PLCH1: variants seen among roughly 807,000 people sequenced by gnomAD.
The protein encoded by PLCH1 is 1-phosphatidylinositol 4,5-bisphosphate phosphodiesterase eta-1.
Under a neutral mutation model 126.7 loss-of-function variants are expected in PLCH1, and 60 were observed. The observed-to-expected ratio is 0.47, with a 90% CI of 0.38 to 0.59. The LOEUF is 0.59. PLCH1 is among the 20% of genes least tolerant of loss of function. The pLI is 0.00. For synonymous variants in PLCH1, 719 were observed against 734.9 expected, an observed-to-expected ratio of 0.98 and a Z score of 0.35; for missense variants, 1,723 against 2,040.0, an observed-to-expected ratio of 0.84 and a Z score of 2.99.
chr3:155,647,584 C>G (rs1294750386), intron 2 of PLCH1, among the ~76,000 whole-genome samples: 1 of 151,936 alleles, frequency 6.6e-6, no homozygotes, highest in Non-Finnish European at 1.5e-5. Context: ...TCTGAAGACC[C>G]CTGGCAAAGC....
In PLCH1 at chr3:155,724,810, G is replaced by T. The variant is rs1022729252; in HGVS notation, c.-41+20030C>A. Among the ~76,000 whole-genome samples, 524 of 115,572 alleles carry T rather than the reference G, an allele frequency of 4.5e-3. 4 individuals carry two copies. The highest frequency in any genetic ancestry group is 6.7e-3 in the Non-Finnish European group (413 of 61,218). 75.8% of individuals were successfully genotyped at this position (115,572 alleles called of 152,430 possible). On this transcript the variant is annotated intron_variant, in intron 1 of 22. Coordinates refer to ENST00000460012, the MANE Select transcript of PLCH1 (RefSeq NM_014996.4). ...ATTTGTTGCCTGAATACCTTGGGGG[G>T]TTTTGTGTGTGTGTGTGTGTGTGTG...
chr3:155,590,182 A>T (rs997839992), intron 4 of PLCH1, among the ~76,000 whole-genome samples: 8 of 152,192 alleles, frequency 5.3e-5, no homozygotes, highest in Admixed American at 1.3e-4. Flanking sequence ...TCACAGTTGA[A>T]ATTTTCAGTC....
intron 2 of PLCH1, among the ~76,000 whole-genome samples, chr3:155,628,532 T>G (rs1371145385): frequency 1.4e-5 from 2 of 138,764 alleles, no homozygotes; most frequent in Non-Finnish European, 3.0e-5. Context: ...TTCCCCATGC[T>G]TTGGATCTTC....
At chr3:155,627,222 A>T (rs917732612) in intron 2 of PLCH1, among the ~76,000 whole-genome samples, 2 of 152,226 alleles carry the variant, frequency 1.3e-5, no homozygotes, top group Non-Finnish European at 2.9e-5. Flanking sequence ...CCTTGCAAGC[A>T]TAATACCAAG....
At chr3:155,467,265 A>G (rs1712963326) in intron 21 of PLCH1, among the ~76,000 whole-genome samples, 1 of 152,066 alleles carries the variant, frequency 6.6e-6, no homozygotes, top group African/African-American at 2.4e-5. Flanking sequence ...AAAAAAAAAA[A>G]ATAAAAAAGA....
downstream of PLCH1, among the ~76,000 whole-genome samples, chr3:155,479,338 T>TA (rs1453050401): frequency 6.6e-6 from 1 of 152,122 alleles, no homozygotes; most frequent in African/African-American, 2.4e-5. Flanking sequence ...AATGGTCACT[T>TA]ACCCTTTCAT....
At chr3:155,488,198 G>T in intron 20 of PLCH1, 91 bp from the exon 21 acceptor site, 3 of 736,778 alleles carry the variant, frequency 4.1e-6, no homozygotes, top group Non-Finnish European at 2.4e-6. Flanking sequence ...TGACTTGACT[G>T]TAGTTCTTTT....
At position 155,481,987 on chromosome 3, in the gene PLCH1, C is replaced by G; in HGVS notation, c.4039G>C (p.Gly1347Arg). Residue 1347 changes from glycine (G) to arginine (R), a missense_variant, in exon 23 of 23, where the codon GGG (glycine) becomes CGG (arginine). Gly to Arg is a moderately radical substitution (Grantham distance 125, BLOSUM62 -2). Coordinates refer to ENST00000460012, the MANE Select transcript of PLCH1 (RefSeq NM_014996.4). This position sits in a 1 kb window ranked among gnomAD's most constrained non-coding sequence, Gnocchi z 4.2. ...TCAATTTCCACAAGGCTGCTCTCCC[C>G]AGAATTGAAACAGAGAGTGGGATCA... ...IADPTLCFNS[G>R]ESSLVEIDGE... 1.2e-6 allele frequency: 2 copies of G among 1,614,160 alleles called. No homozygotes were observed. The highest frequency in any genetic ancestry group is 1.7e-6 in the Non-Finnish European group (2 of 1,180,038).
At chr3:155,678,377 A>G (rs1379654744) in intron 2 of PLCH1, among the ~76,000 whole-genome samples, 3 of 152,186 alleles carry the variant, frequency 2.0e-5, no homozygotes, top group African/African-American at 7.2e-5. Context: ...TTCATAGGGC[A>G]GGTGGGCAAG....
At chr3:155,638,208 T>C (rs1738959747) in intron 2 of PLCH1, among the ~76,000 whole-genome samples, 1 of 152,224 alleles carries the variant, frequency 6.6e-6, no homozygotes, top group Non-Finnish European at 1.5e-5. Flanking sequence ...CAAGAGAATA[T>C]GATTTCAAAT....
intron 10 of PLCH1, among the ~76,000 whole-genome samples, chr3:155,537,708 A>G (rs1034038841): frequency 6.6e-6 from 1 of 152,116 alleles, no homozygotes; most frequent in Non-Finnish European, 1.5e-5. Context: ...ACAATCCTAA[A>G]TATATATTCA....
At chr3:155,612,456 C>T (rs1254677598) in intron 2 of PLCH1, among the ~76,000 whole-genome samples, 1 of 151,258 alleles carries the variant, frequency 6.6e-6, no homozygotes, top group African/African-American at 2.4e-5. Flanking sequence ...ACAAACTAAA[C>T]CCAAACCCAG....
chr3:155,545,762 A>G (rs1470920944), intron 10 of PLCH1, among the ~76,000 whole-genome samples: 1 of 151,842 alleles, frequency 6.6e-6, no homozygotes, highest in Non-Finnish European at 1.5e-5. Context: ...GTAATCCAGC[A>G]TATAAACAGA....
intron 2 of PLCH1, among the ~76,000 whole-genome samples, chr3:155,633,696 C>A (rs1305716167): frequency 6.6e-6 from 1 of 152,164 alleles, no homozygotes; most frequent in African/African-American, 2.4e-5. Flanking sequence ...TGAGAGGGGG[C>A]AGATCACTTG....
At chr3:155,470,106 C>T (rs1187373059) in intron 21 of PLCH1, among the ~76,000 whole-genome samples, 1 of 151,844 alleles carries the variant, frequency 6.6e-6, no homozygotes, top group Non-Finnish European at 1.5e-5. Context: ...GAGAAGAAGG[C>T]TTCAGACGAT....
At chr3:155,505,887 G>A (rs1470674995) in intron 12 of PLCH1, among the ~76,000 whole-genome samples, 1 of 147,468 alleles carries the variant, frequency 6.8e-6, no homozygotes, top group Non-Finnish European at 1.5e-5. Flanking sequence ...TCTTCTCTTG[G>A]TCCGCTTTTT....
chr3:155,483,435 T>G (rs1358835944), intron 22 of PLCH1: 19 of 1,234,630 alleles, frequency 1.5e-5, no homozygotes, highest in Non-Finnish European at 2.2e-5. Flanking sequence ...CAAAGCATTG[T>G]GGTACCTGTA....
At chr3:155,610,389 AC>A (rs142738381) in intron 2 of PLCH1, among the ~76,000 whole-genome samples, 8,367 of 107,930 alleles carry the variant, frequency 0.078, 1,291 homozygotes, top group African/African-American at 0.14. Flanking sequence ...AAAAAAAAAA[AC>A]CATCACCTAG....
intron 7 of PLCH1, among the ~76,000 whole-genome samples, chr3:155,567,933 C>T (rs567832977): frequency 1.3e-5 from 2 of 152,190 alleles, no homozygotes; most frequent in East Asian, 3.9e-4. Flanking sequence ...GGCTAATTTC[C>T]AAAAATTAGC....
Sources: gnomAD v4.1 joint callset for allele counts (sites outside exome capture counted in the v4.1 genomes callset) on GRCh38, gnomAD v4.1.1 for gene constraint, Gnocchi (gnomAD v3.1) non-coding constraint, MANE v1.5 for transcripts, NCBI Gene and HGNC (gene_info 2026-07-23, HGNC 2026-07-21) for gene names.